CTNNA3: variants seen among roughly 807,000 people sequenced by gnomAD.
The protein encoded by CTNNA3 is catenin alpha 3, also known as catenin alpha-3.
In CTNNA3, 76 loss-of-function variants were observed where a neutral mutation model predicts 95.7. The observed-to-expected ratio is 0.79, with a 90% CI of 0.66 to 0.96. The LOEUF (loss-of-function observed/expected upper bound fraction) is 0.96. Ranked by LOEUF, CTNNA3 falls within the 40% of genes least tolerant of loss-of-function variation. The pLI is 0.00. For synonymous variants in CTNNA3, 431 were observed against 374.4 expected (o/e 1.15, Z -1.74); for missense variants, 1,191 against 1,089.8 (o/e 1.09, Z -1.31).
chr10:66,402,305 A>G (rs2093027324), intron 11 of CTNNA3, among the ~76,000 whole-genome samples: 1 of 152,106 alleles, frequency 6.6e-6, no homozygotes, highest in Admixed American at 6.6e-5. Context: ...TGGCTGTTCA[A>G]CCCTCTTTAC....
At chr10:67,702,539 C>G (rs961467578) in intron 1 of CTNNA3, among the ~76,000 whole-genome samples, 2 of 152,066 alleles carry the variant, frequency 1.3e-5, no homozygotes, top group African/African-American at 4.8e-5. Context: ...GGGTACATAA[C>G]GAAATGAAGG....
At chr10:67,022,375 CA>C (rs1853076918) in intron 7 of CTNNA3, among the ~76,000 whole-genome samples, 1 of 151,896 alleles carries the variant, frequency 6.6e-6, no homozygotes. Context: ...TATGAAGGAA[CA>C]AGTTATCCAC....
chr10:67,033,766 A>G (rs1853873478), intron 7 of CTNNA3, among the ~76,000 whole-genome samples: 1 of 152,046 alleles, frequency 6.6e-6, no homozygotes, highest in African/African-American at 2.4e-5. Flanking sequence ...CTTTTACTGT[A>G]TAGTGTTTCT....
intron 2 of CTNNA3, among the ~76,000 whole-genome samples, chr10:67,638,281 T>A (rs1193984415): frequency 6.6e-6 from 1 of 152,126 alleles, no homozygotes; most frequent in East Asian, 1.9e-4. Flanking sequence ...CATTACATAA[T>A]GGTAAAGGGA....
chr10:66,775,886 C>T (rs1024228282), intron 7 of CTNNA3, among the ~76,000 whole-genome samples: 4 of 152,176 alleles, frequency 2.6e-5, no homozygotes, highest in African/African-American at 9.6e-5. Flanking sequence ...TTGTCAACTT[C>T]TGTGGGAGTT....
chr10:66,899,253 T>C (rs1325585730), intron 7 of CTNNA3, among the ~76,000 whole-genome samples: 1 of 152,220 alleles, frequency 6.6e-6, no homozygotes, highest in East Asian at 1.9e-4. Flanking sequence ...CTTTGTCCAC[T>C]GTTAATGAGA....
chr10:67,648,759 C>A (rs150911804), intron 1 of CTNNA3: 1 of 1,289,670 alleles, frequency 7.8e-7, no homozygotes, highest in Non-Finnish European at 1.0e-6. Context: ...CTCTCCTTTG[C>A]GTTGATTTCA....
chr10:65,944,961 C>T (rs2077493523), intron 17 of CTNNA3, among the ~76,000 whole-genome samples: 1 of 151,766 alleles, frequency 6.6e-6, no homozygotes, highest in South Asian at 2.1e-4. Context: ...TAAGTAACAG[C>T]TAAAGGAGAT....
In CTNNA3 at chr10:65,915,920, A is replaced by C. The variant is rs976153082; in HGVS notation, c.*4410T>G. 3 of 152,318 alleles carry C rather than the reference A, an allele frequency of 2.0e-5. No homozygotes were observed. In the South Asian group the frequency reaches 6.2e-4, roughly 32 times the overall value. The allele number at this position is 152,318 out of a possible 1,614,324, so 9.4% of individuals were successfully genotyped here. A position where few individuals can be genotyped will look rare whatever the true frequency, so the allele number is the denominator to read the frequency against. The stretch of plus-strand genomic sequence containing the variant: ...CTTCTCTTTCTCTTTGAGATGACTA[A>C]GATAGCGTTAGTAGCCTCATTCAAA... On this transcript the variant is annotated 3_prime_UTR_variant, in exon 18 of 18. Coordinates refer to ENST00000433211, the MANE Select transcript of CTNNA3 (RefSeq NM_013266.4).
At chr10:67,589,551 T>C (rs1842733143) in intron 3 of CTNNA3, among the ~76,000 whole-genome samples, 1 of 152,142 alleles carries the variant, frequency 6.6e-6, no homozygotes, top group African/African-American at 2.4e-5. Context: ...CCATAATCTT[T>C]CTCTCTCATT....
At chr10:65,989,975 A>C (rs970196455) in intron 15 of CTNNA3, among the ~76,000 whole-genome samples, 44 of 152,114 alleles carry the variant, frequency 2.9e-4, no homozygotes, top group African/African-American at 1.0e-3. Flanking sequence ...ATATTTGTCT[A>C]ACTTATTTCA....
intron 1 of CTNNA3, among the ~76,000 whole-genome samples, chr10:67,672,048 C>T (rs1291660285): frequency 6.6e-6 from 1 of 152,168 alleles, no homozygotes. Flanking sequence ...TGATGATCGC[C>T]ATTCTAACTG....
At chr10:66,393,191 C>T (rs1368227266) in intron 11 of CTNNA3, among the ~76,000 whole-genome samples, 1 of 152,050 alleles carries the variant, frequency 6.6e-6, no homozygotes, top group African/African-American at 2.4e-5. Flanking sequence ...AATGGCAAAG[C>T]TACGGGAACA....
At chr10:67,409,588 GT>G (rs1183444978) in intron 5 of CTNNA3, among the ~76,000 whole-genome samples, 1 of 151,892 alleles carries the variant, frequency 6.6e-6, no homozygotes, top group Non-Finnish European at 1.5e-5. Flanking sequence ...GCTGTTAGGG[GT>G]GGAGGTGGGG....
chr10:66,032,676 T>C (rs1461699969), intron 15 of CTNNA3, among the ~76,000 whole-genome samples: 1 of 152,218 alleles, frequency 6.6e-6, no homozygotes, highest in Non-Finnish European at 1.5e-5. Context: ...TGTTCTCATT[T>C]CTAAGTAATT....
At chr10:67,584,532 G>A (rs911975468) in intron 3 of CTNNA3, among the ~76,000 whole-genome samples, 4 of 152,190 alleles carry the variant, frequency 2.6e-5, no homozygotes, top group African/African-American at 9.7e-5. Context: ...CACTTGAGGA[G>A]GCAGTCTGTC....
At chr10:66,711,712 C>T (rs974928786) in intron 9 of CTNNA3, among the ~76,000 whole-genome samples, 1 of 151,902 alleles carries the variant, frequency 6.6e-6, no homozygotes, top group African/African-American at 2.4e-5. Context: ...CCACACTTGG[C>T]TAATTTTTTG....
chr10:67,687,169 G>A (rs796903129), intron 1 of CTNNA3, among the ~76,000 whole-genome samples: 8 of 152,282 alleles, frequency 5.3e-5, no homozygotes, highest in African/African-American at 1.7e-4. Context: ...CCAGTGTCCA[G>A]GAGGAAATCA....
At chr10:66,199,214 G>C (rs2087153912) in intron 13 of CTNNA3, among the ~76,000 whole-genome samples, 1 of 151,998 alleles carries the variant, frequency 6.6e-6, no homozygotes, top group Admixed American at 6.6e-5. Context: ...AAATCAGTTA[G>C]CATAGAGCTA....
Sources: gnomAD v4.1 joint callset for allele counts (sites outside exome capture counted in the v4.1 genomes callset) on GRCh38, gnomAD v4.1.1 for gene constraint, MANE v1.5 for transcripts, NCBI Gene and HGNC (gene_info 2026-07-23, HGNC 2026-07-21) for gene names.